The following ATP6V0A1 variants were observed in gnomAD, a reference collection of about 807,000 sequenced individuals.
ATP6V0A1 encodes the protein V-type proton ATPase 116 kDa subunit a 1.
A neutral mutation model predicts 105.4 loss-of-function variants in ATP6V0A1; 43 were observed. The observed-to-expected ratio is 0.41, with a 90% confidence interval of 0.32 to 0.53. ATP6V0A1 has a LOEUF of 0.53. Among genes scored for constraint, ATP6V0A1 ranks in the 20% least tolerant of loss-of-function variants. ATP6V0A1 has a pLI of 0.30. For synonymous variants in ATP6V0A1, 362 were observed against 372.8 expected, an observed-to-expected ratio of 0.97 and a Z score of 0.33; for missense variants, 676 against 1,051.1, an observed-to-expected ratio of 0.64 and a Z score of 4.93.
At chr17:42,468,948 C>T (rs1464233184) in intron 4 of ATP6V0A1, among the ~76,000 whole-genome samples, 1 of 152,168 alleles carries the variant, frequency 6.6e-6, no homozygotes, top group African/African-American at 2.4e-5. Context: ...CAGGCTCAAG[C>T]AGTTCTAGTA....
chr17:42,511,288 A>T (rs1000751366), intron 19 of ATP6V0A1: 2 of 152,194 alleles, frequency 1.3e-5, no homozygotes, highest in Non-Finnish European at 2.9e-5. Flanking sequence ...TAATCCCAGC[A>T]CTTTGGGAGG....
intron 6 of ATP6V0A1, 134 bp downstream of exon 6, chr17:42,477,876 C>T: frequency 1.4e-6 from 1 of 707,022 alleles, no homozygotes; most frequent in Non-Finnish European, 2.3e-6. Flanking sequence ...AGTCCTACAA[C>T]TCTGGATTCA....
chr17:42,472,048 G>GC (rs1163908773), intron 5 of ATP6V0A1, among the ~76,000 whole-genome samples: 59 of 126,756 alleles, frequency 4.7e-4, no homozygotes, highest in African/African-American at 1.7e-3. Flanking sequence ...AAATATAGAG[G>GC]CCCTTTTTTT....
chr17:42,470,639 G>A (rs1290676713), intron 5 of ATP6V0A1: 2 of 166,478 alleles, frequency 1.2e-5, no homozygotes, highest in African/African-American at 2.4e-5. Flanking sequence ...GTCTATGTTT[G>A]CTTATAAACC....
chr17:42,514,933 C>T (rs865908665), intron 21 of ATP6V0A1, among the ~76,000 whole-genome samples: 1 of 152,150 alleles, frequency 6.6e-6, no homozygotes, highest in Non-Finnish European at 1.5e-5. Context: ...AGTTGGACCC[C>T]TGGCAGCTCC....
chr17:42,470,813 A>T (rs920408724), intron 5 of ATP6V0A1: 1 of 153,640 alleles, frequency 6.5e-6, no homozygotes, highest in African/African-American at 2.4e-5. Context: ...AAATGTTAGT[A>T]AAGTTCTTGG....
intron 2 of ATP6V0A1, among the ~76,000 whole-genome samples, chr17:42,462,306 A>G (rs1209041741): frequency 1.3e-5 from 2 of 152,044 alleles, no homozygotes; most frequent in African/African-American, 4.8e-5. Flanking sequence ...TCCGTGTATA[A>G]TTGAAACCTC....
chr17:42,462,606 G>C (rs1268688860), intron 2 of ATP6V0A1, among the ~76,000 whole-genome samples: 1 of 151,956 alleles, frequency 6.6e-6, no homozygotes, highest in Non-Finnish European at 1.5e-5. Context: ...TTTTAGTAGA[G>C]ACGGGGTTTC....
rs112096711 is a variant in ATP6V0A1, at chr17:42,499,573, G to C, written c.1679+531G>C. On this transcript the variant is annotated intron_variant, in intron 15 of 21. Transcript: ENST00000343619. ...AAGATGAGGCGGGCAGATCACTTGA[G>C]GTCAGGAGTTCAAGACCAGCCTGGC... 9.3e-3 allele frequency among the ~76,000 whole-genome samples: 1,410 copies of C among 151,922 alleles called. 29 individuals carry two copies. The highest frequency in any genetic ancestry group is 0.031 in the African/African-American group (1,299 of 41,420).
intron 14 of ATP6V0A1, among the ~76,000 whole-genome samples, 176 bp from the exon 15 acceptor site, chr17:42,498,748 C>T (rs1002949227): frequency 6.6e-6 from 1 of 152,128 alleles, no homozygotes; most frequent in Non-Finnish European, 1.5e-5. Flanking sequence ...ATGGCGTGAA[C>T]CCGGAAGGCA....
chr17:42,499,152 A>G, intron 15 of ATP6V0A1, 110 bp downstream of exon 15: 3 of 822,720 alleles, frequency 3.6e-6, no homozygotes, highest in Non-Finnish European at 5.9e-6. Context: ...ACCTCATTCT[A>G]CATTATAGAA....
At chr17:42,464,489 G>A (rs1006189898) in intron 2 of ATP6V0A1, among the ~76,000 whole-genome samples, 3 of 150,810 alleles carry the variant, frequency 2.0e-5, no homozygotes, top group African/African-American at 7.3e-5. Context: ...TGCAACCTCC[G>A]CCTCCCGGGT....
chr17:42,490,971 C>T (rs548916792), intron 11 of ATP6V0A1, among the ~76,000 whole-genome samples: 10 of 152,260 alleles, frequency 6.6e-5, no homozygotes, highest in East Asian at 5.8e-4. Flanking sequence ...GTGATTCTCC[C>T]GCCTGAACCT....
At chr17:42,520,093 C>T (rs1041358422) in intron 21 of ATP6V0A1, 2 of 217,354 alleles carry the variant, frequency 9.2e-6, no homozygotes, top group Non-Finnish European at 1.9e-5. Flanking sequence ...CTGCACGTGA[C>T]CTGTCACCTG....
chr17:42,509,504 C>G (rs758576608), intron 19 of ATP6V0A1, among the ~76,000 whole-genome samples: 1 of 152,178 alleles, frequency 6.6e-6, no homozygotes, highest in African/African-American at 2.4e-5. Context: ...TGTGTAAACA[C>G]AGGTAGGGCC....
intron 5 of ATP6V0A1, among the ~76,000 whole-genome samples, chr17:42,475,844 G>T (rs1199432605): frequency 6.6e-6 from 1 of 152,154 alleles, no homozygotes; most frequent in African/African-American, 2.4e-5. Context: ...TTTTAATTTT[G>T]TTGTTTTTTA....
chr17:42,513,962 C>T lies in ATP6V0A1; in HGVS notation c.2232C>T (p.Leu744=), dbSNP rs2092478950. The T allele has an allele frequency of 1.9e-6, 3 of 1,614,142 alleles. No homozygotes were observed. The highest frequency in any genetic ancestry group is 2.5e-6 in the Non-Finnish European group (3 of 1,179,948). Residue 744 remains leucine, a synonymous_variant, in exon 20 of 22, where the codon CTC becomes CTT. Coordinates refer to ENST00000343619, the MANE Select transcript of ATP6V0A1 (RefSeq NM_001130021.3). ...NTASYLRLWA[L]SLAHAQLSEV... ...CCTCCTACTTGCGGCTCTGGGCCCT[C>T]AGCCTCGCTCATGCGCGTGAGTACC...
At chr17:42,491,715 T>G (rs1258379187) in intron 11 of ATP6V0A1, among the ~76,000 whole-genome samples, 1 of 152,214 alleles carries the variant, frequency 6.6e-6, no homozygotes, top group Non-Finnish European at 1.5e-5. Flanking sequence ...ACTCCTGACT[T>G]CAGGTGATCT....
At chr17:42,485,674 C>G (rs1267226018) in intron 9 of ATP6V0A1, among the ~76,000 whole-genome samples, 2 of 152,162 alleles carry the variant, frequency 1.3e-5, no homozygotes, top group Non-Finnish European at 2.9e-5. Context: ...TCTCAGCCTC[C>G]CAAGTAGCTG....
Sources: allele counts gnomAD v4.1 joint callset (sites outside exome capture counted in the v4.1 genomes callset), GRCh38; gene constraint gnomAD v4.1.1; transcripts MANE v1.5; gene names NCBI Gene and HGNC (gene_info 2026-07-23, HGNC 2026-07-21).